Variants in ZNF260 observed in about 807,000 individuals in gnomAD.
The protein encoded by ZNF260 is zinc finger protein 260, also known as zfp-260.
A neutral mutation model predicts 29.3 loss-of-function variants in ZNF260; 21 were observed. The observed-to-expected ratio is 0.72, with a 90% CI of 0.51 to 1.03. The LOEUF (loss-of-function observed/expected upper bound fraction) is 1.03, where lower values mean the gene tolerates loss of function less well. Ranked by LOEUF, ZNF260 falls within the 50% of genes least tolerant of loss-of-function variation. ZNF260 has a pLI of 0.00. For missense variants in ZNF260, 465 were observed against 487.8 expected (o/e 0.95, Z 0.44); for synonymous variants, 156 against 156.8 (o/e 0.99, Z 0.04).
rs2145736222 is a variant in ZNF260, at chr19:36,512,435, GT to G, written c.*1564del. ...ATATTTCGTTATGTTTACTTAGAATGTTTCTTTTTAATAAGAAATAGATACA... is the reference window on the plus strand; with the variant it reads ...ATATTTCGTTATGTTTACTTAGAATGTTCTTTTTAATAAGAAATAGATACA... On this transcript the variant is annotated 3_prime_UTR_variant, in exon 3 of 3. Coordinates refer to ENST00000523638, the MANE Select transcript of ZNF260 (RefSeq NM_001166037.2). 1 of 152,146 alleles carries G rather than the reference GT, an allele frequency of 6.6e-6. No individual in the cohort carries two copies. Among genetic ancestry groups the G allele is most frequent in the Non-Finnish European group, 1.5e-5 (1 of 67,958 alleles). 9.4% of individuals were successfully genotyped at this position (152,146 alleles called of 1,614,324 possible). A position where few individuals can be genotyped will look rare whatever the true frequency, so the allele number is the denominator to read the frequency against.
rs1600208041 is a variant in ZNF260, at chr19:36,514,956, T to C, written c.283A>G (p.Lys95Glu). Residue 95 changes from lysine to glutamate, a missense_variant, in exon 3 of 3, where the codon AAG becomes GAG. Physicochemically the swap from Lys to Glu is moderately conservative, Grantham distance 56 (BLOSUM62 1). Coordinates refer to ENST00000523638, the MANE Select transcript of ZNF260 (RefSeq NM_001166037.2). Reference sequence around the variant, plus strand: ...TTCTGATGAGAAAGGAAGTTTTCCTTCTGGCTGAAGGCTTTTCCACATTTA... The same window carrying C: ...TTCTGATGAGAAAGGAAGTTTTCCTCCTGGCTGAAGGCTTTTCCACATTTA... ...CNKCGKAFSQKENFLSHQKHH... is the reference protein window; with the variant it reads ...CNKCGKAFSQEENFLSHQKHH... 1 of 1,614,082 alleles carries C rather than the reference T, an allele frequency of 6.2e-7. No homozygotes were observed. Among genetic ancestry groups the C allele is most frequent in the Non-Finnish European group, 8.5e-7 (1 of 1,180,010 alleles).
In ZNF260 at chr19:36,514,378, C is replaced by T. The variant is rs1450544500; in HGVS notation, c.861G>A (p.Gln287=). The T allele has an allele frequency of 6.2e-7, 1 of 1,613,592 alleles. No individual in the cohort carries two copies. The highest frequency in any genetic ancestry group is 1.1e-5 in the South Asian group (1 of 91,030). The change falls in exon 3 of 3, where the codon CAG becomes CAA. Residue 287 remains glutamine, a synonymous_variant. Transcript: ENST00000523638. The part of the protein sequence containing the change: ...KCNECGTIFR[Q]KQYLIKHHNI... ...TGTGATGTTTAATGAGGTATTGCTT[C>T]TGCCTGAAGATTGTTCCACATTCAT...
At chr19:36,517,624 C>T (rs2034573025) in intron 2 of ZNF260, among the ~76,000 whole-genome samples, 1 of 152,050 alleles carries the variant, frequency 6.6e-6, no homozygotes, top group South Asian at 2.1e-4. Flanking sequence ...CTGAACTCTC[C>T]TAGCTGGACA....
Position 36,510,727 on chromosome 19 carries a change from T to C in ZNF260, c.*3273A>G, listed in dbSNP as rs548698877. 2.0e-5 allele frequency: 3 copies of C among 152,358 alleles called. No individual in the cohort carries two copies. The highest frequency in any genetic ancestry group is 3.4e-3 in the Middle Eastern group (1 of 294). The allele number at this position is 152,358 out of a possible 1,614,324, so 9.4% of individuals were successfully genotyped here. ...TGAATTTTTATTGTACCATTTCTTA[T>C]GGTGGCAAATAAGCAAACTGTGAGT... is the stretch of plus-strand genomic sequence containing the variant. On this transcript the variant is annotated 3_prime_UTR_variant, in exon 3 of 3. Coordinates refer to ENST00000523638, the MANE Select transcript of ZNF260 (RefSeq NM_001166037.2).
intron 2 of ZNF260, among the ~76,000 whole-genome samples, chr19:36,520,091 C>T (rs548005002): frequency 8.5e-4 from 128 of 149,890 alleles, no homozygotes; most frequent in African/African-American, 3.0e-3. Flanking sequence ...CCCAGCTACT[C>T]GGGAGGCTGA....
In ZNF260 at chr19:36,514,657, A is replaced by G. The variant is rs1406276136; in HGVS notation, c.582T>C (p.Cys194=). 3.2e-5 allele frequency: 51 copies of G among 1,613,916 alleles called. No homozygotes were observed. The Admixed American group carries it at 8.5e-4, about 27-fold the overall frequency. Residue 194 remains cysteine, a synonymous_variant, in exon 3 of 3, where the codon TGT becomes TGC. Transcript: ENST00000523638. ...NIHTGKKPFK[C]SECGKAFSQK... Reference sequence around the variant, plus strand: ...GGCTAAAAGCTTTTCCACACTCACTACATTTAAAGGGCTTCTTTCCAGTAT... The same window carrying G: ...GGCTAAAAGCTTTTCCACACTCACTGCATTTAAAGGGCTTCTTTCCAGTAT...
rs765556335 is a variant in ZNF260, at chr19:36,514,332, G to A, written c.907C>T (p.Pro303Ser). The change falls in exon 3 of 3, where the codon CCC becomes TCC. Residue 303 changes from proline to serine, a missense_variant. Coordinates refer to ENST00000523638, the MANE Select transcript of ZNF260 (RefSeq NM_001166037.2). Reference protein sequence around the residue: ...KHHNIHTGEKPYECNKCGKAF... With the variant: ...KHHNIHTGEKSYECNKCGKAF... ...TTTCCACATTTATTACATTCATAGG[G>A]TTTCTCTCCTGTATGAATATTGTGA... 2 of 1,614,032 alleles carry A rather than the reference G, an allele frequency of 1.2e-6. No homozygotes were observed. The highest frequency in any genetic ancestry group is 8.5e-7 in the Non-Finnish European group (1 of 1,179,994).
chr19:36,519,597 A>T lies in ZNF260; in HGVS notation c.-461-3898T>A, dbSNP rs1036084769. The stretch of plus-strand genomic sequence containing the variant: ...AGTTTATCCTATATCTTGAAAATAG[A>T]TTATAAACCACCTTTTTAAATGCCC... On this transcript the variant is annotated intron_variant, in intron 2 of 2. Transcript: ENST00000523638. Among the ~76,000 whole-genome samples the T allele has an allele frequency of 3.9e-5, 6 of 152,232 alleles. No homozygotes were observed. The South Asian group carries it at 6.2e-4, about 16-fold the overall frequency.
chr19:36,521,152 TTAG>T (rs2034639555), intron 2 of ZNF260, among the ~76,000 whole-genome samples: 1 of 152,090 alleles, frequency 6.6e-6, no homozygotes. Flanking sequence ...CATGGATGGC[TTAG>T]CATGTGAATT....
At position 36,512,875 on chromosome 19, in the gene ZNF260, A is replaced by G. The variant is rs2034474455; in HGVS notation, c.*1125T>C. On this transcript the variant is annotated 3_prime_UTR_variant, in exon 3 of 3. Transcript: ENST00000523638. ...ATGAACTATACAGCTATAGACCAGT[A>G]CATGACTCCCTGTGTTCATGTTTCT... The G allele has an allele frequency of 6.6e-6, 1 of 152,194 alleles. No individual in the cohort carries two copies. The highest frequency in any genetic ancestry group is 2.4e-5 in the African/African-American group (1 of 41,456). The allele number at this position is 152,194 out of a possible 1,614,324, so 9.4% of individuals were successfully genotyped here. A position where few individuals can be genotyped will look rare whatever the true frequency, so the allele number is the denominator to read the frequency against.
chr19:36,522,826 G>C (rs2034669151), intron 2 of ZNF260, among the ~76,000 whole-genome samples: 1 of 152,136 alleles, frequency 6.6e-6, no homozygotes, highest in South Asian at 2.1e-4. Context: ...ATGCAAATCT[G>C]GACTATTCAC....
chr19:36,515,282 T>G lies in ZNF260; in HGVS notation c.-44A>C. 1 of 1,478,486 alleles carries G rather than the reference T, an allele frequency of 6.8e-7. No individual in the cohort carries two copies. Among genetic ancestry groups the G allele is most frequent in the Non-Finnish European group, 9.0e-7 (1 of 1,112,108 alleles). 91.6% of individuals were successfully genotyped at this position (1,478,486 alleles called of 1,614,324 possible). ...GAGATTTCCCTAGTATCAAATAAGA[T>G]GTAATAAGGATGAAAGCTTTCCCAC... On this transcript the variant is annotated 5_prime_UTR_variant, in exon 3 of 3. Coordinates refer to ENST00000523638, the MANE Select transcript of ZNF260 (RefSeq NM_001166037.2).
intron 1 of ZNF260, among the ~76,000 whole-genome samples, chr19:36,526,739 AG>A (rs1167978664): frequency 6.6e-6 from 1 of 152,136 alleles, no homozygotes; most frequent in Non-Finnish European, 1.5e-5. Context: ...AACCATCGCA[AG>A]CTTAACAACA....
rs1467678322 is a variant in ZNF260, at chr19:36,510,774, T to C, written c.*3226A>G. The C allele has an allele frequency of 6.6e-6, 1 of 152,164 alleles. No individual in the cohort carries two copies. The highest frequency in any genetic ancestry group is 2.4e-5 in the African/African-American group (1 of 41,442). 9.4% of individuals were successfully genotyped at this position (152,164 alleles called of 1,614,324 possible). A position where few individuals can be genotyped will look rare whatever the true frequency, so the allele number is the denominator to read the frequency against. ...GAGTAAACGAGGGCAGCTGAATAAA[T>C]TTACAGTATACAATATTAGAGAATA... On this transcript the variant is annotated 3_prime_UTR_variant, in exon 3 of 3. Coordinates refer to ENST00000523638, the MANE Select transcript of ZNF260 (RefSeq NM_001166037.2).
rs2034453152 is a variant in ZNF260 at position 36,511,594 on chromosome 19, T to G, written c.*2406A>C. 1 of 151,238 alleles carries G rather than the reference T, an allele frequency of 6.6e-6. No individual in the cohort carries two copies. The highest frequency in any genetic ancestry group is 2.4e-5 in the African/African-American group (1 of 41,000). 9.4% of individuals were successfully genotyped at this position (151,238 alleles called of 1,614,324 possible). A position where few individuals can be genotyped will look rare whatever the true frequency, so the allele number is the denominator to read the frequency against. Reference sequence around the variant, plus strand: ...TGAACCTGTGAGGCAGAGGTTGCAGTGAGCCAAGATTGTGCCATTGCACTG... The same window carrying G: ...TGAACCTGTGAGGCAGAGGTTGCAGGGAGCCAAGATTGTGCCATTGCACTG... On this transcript the variant is annotated 3_prime_UTR_variant, in exon 3 of 3. Coordinates refer to ENST00000523638, the MANE Select transcript of ZNF260 (RefSeq NM_001166037.2).
intron 2 of ZNF260, among the ~76,000 whole-genome samples, chr19:36,517,649 A>G (rs1214794976): frequency 1.3e-5 from 2 of 152,136 alleles, no homozygotes; most frequent in African/African-American, 2.4e-5. Context: ...TGTGAAGTTT[A>G]TCATCCAGAC....
rs2034485076 is a variant in ZNF260 at position 36,513,448 on chromosome 19, GA to G, written c.*551del. On this transcript the variant is annotated 3_prime_UTR_variant, in exon 3 of 3. Coordinates refer to ENST00000523638, the MANE Select transcript of ZNF260 (RefSeq NM_001166037.2). ...GGGAGATATTATTTTTCCATATGAAGAGTCAATTAATTTTTAAGTAATCCAT... is the reference window on the plus strand; with the variant it reads ...GGGAGATATTATTTTTCCATATGAAGGTCAATTAATTTTTAAGTAATCCAT... The G allele has an allele frequency of 3.4e-6, 1 of 297,072 alleles. No homozygotes were observed. Among genetic ancestry groups the G allele is most frequent in the African/African-American group, 2.1e-5 (1 of 46,588 alleles). The allele number at this position is 297,072 out of a possible 1,614,324, so 18.4% of individuals were successfully genotyped here.
chr19:36,524,138 T>C (rs1039095233), intron 2 of ZNF260, among the ~76,000 whole-genome samples: 7 of 152,114 alleles, frequency 4.6e-5, no homozygotes, highest in African/African-American at 1.7e-4. Flanking sequence ...TTTTTATTGA[T>C]ACATAATAGT....
At chr19:36,521,507 C>G (rs2034644508) in intron 2 of ZNF260, among the ~76,000 whole-genome samples, 1 of 152,212 alleles carries the variant, frequency 6.6e-6, no homozygotes, top group African/African-American at 2.4e-5. Flanking sequence ...AATCCCAGCA[C>G]TTGGGGAGGA....
Sources: gnomAD v4.1 joint callset for allele counts (sites outside exome capture counted in the v4.1 genomes callset) on GRCh38, gnomAD v4.1.1 for gene constraint, MANE v1.5 for transcripts, NCBI Gene and HGNC (gene_info 2026-07-23, HGNC 2026-07-21) for gene names.